Variants in NRG1 observed in about 807,000 individuals in gnomAD.
The protein encoded by NRG1 is pro-neuregulin-1, membrane-bound isoform.
In NRG1, 18 loss-of-function variants were observed where a neutral mutation model predicts 63.8. That is an observed-to-expected ratio of 0.28 (90% CI 0.19 to 0.42). The LOEUF (loss-of-function observed/expected upper bound fraction) is 0.42, where lower values mean the gene tolerates loss of function less well. Ranked by LOEUF, NRG1 falls within the 10% of genes least tolerant of loss-of-function variation. The pLI is 1.00. For synonymous variants in NRG1, 302 were observed against 301.3 expected (o/e 1.00, Z -0.02); for missense variants, 762 against 814.7 (o/e 0.94, Z 0.79).
At chr8:31,891,201 G>A (rs1831117723) in intron 1 of NRG1, among the ~76,000 whole-genome samples, 1 of 152,078 alleles carries the variant, frequency 6.6e-6, no homozygotes, top group South Asian at 2.1e-4. Flanking sequence ...CCCTTTAAAA[G>A]GATGGAAAGA....
At chr8:32,029,531 TGTTTGAACATG>T (rs2130441845) in intron 1 of NRG1, 1 of 152,352 alleles carries the variant, frequency 6.6e-6, no homozygotes, top group Admixed American at 6.5e-5. Context: ...GCCTTTGCCT[TGTTTGAACATG>T]GTTTGAACAG....
intron 7 of NRG1, chr8:32,749,746 A>G: frequency 1.4e-6 from 1 of 693,402 alleles, no homozygotes; most frequent in Middle Eastern, 2.5e-4. Context: ...TCAATCTATG[A>G]TTAGTTTACT....
chr8:31,745,391 G>A (rs537348273), intron 1 of NRG1, among the ~76,000 whole-genome samples: 9 of 152,022 alleles, frequency 5.9e-5, no homozygotes, highest in Non-Finnish European at 8.8e-5. Context: ...TGTAAAACTC[G>A]GTGGTTCAGA....
At chr8:31,871,312 A>T (rs1213397526) in intron 1 of NRG1, among the ~76,000 whole-genome samples, 1 of 152,114 alleles carries the variant, frequency 6.6e-6, no homozygotes, top group African/African-American at 2.4e-5. Context: ...ACATTCTGTG[A>T]CACGGTAAAT....
At chr8:31,907,988 A>G (rs921357409) in intron 1 of NRG1, among the ~76,000 whole-genome samples, 6 of 152,156 alleles carry the variant, frequency 3.9e-5, no homozygotes, top group African/African-American at 1.4e-4. Context: ...GGGAGTTACT[A>G]CAATTTAGGT....
chr8:31,806,814 C>G (rs374299524), intron 1 of NRG1, among the ~76,000 whole-genome samples: 1 of 152,078 alleles, frequency 6.6e-6, no homozygotes, highest in Non-Finnish European at 1.5e-5. Flanking sequence ...ATCTTGTTTT[C>G]TAATAAGACC....
chr8:32,466,366 G>C (rs1044542078), intron 1 of NRG1, among the ~76,000 whole-genome samples: 1 of 120,682 alleles, frequency 8.3e-6, no homozygotes, highest in African/African-American at 3.1e-5. Context: ...ATATTACCTT[G>C]ACATCAAAAA....
chr8:32,057,199 G>A lies in NRG1; in HGVS notation c.37+417768G>A, dbSNP rs763421380. ...TATGGCAAGCACTTCTAATTCGTGT[G>A]AATAGATCTCTTTATAGACATAGTG... On this transcript the variant is annotated intron_variant, in intron 1 of 10. Transcript: ENST00000519301. 3.9e-5 allele frequency among the ~76,000 whole-genome samples: 6 copies of A among 152,238 alleles called. No homozygotes were observed. The East Asian group carries it at 1.2e-3, about 29-fold the overall frequency.
At chr8:31,847,090 C>G (rs1826759847) in intron 1 of NRG1, among the ~76,000 whole-genome samples, 1 of 152,160 alleles carries the variant, frequency 6.6e-6, no homozygotes, top group Admixed American at 6.5e-5. Context: ...CTTGAAAGAT[C>G]ACATTAATAG....
intron 1 of NRG1, among the ~76,000 whole-genome samples, chr8:31,731,417 TAC>T (rs139927733): frequency 0.15 from 22,561 of 148,214 alleles, 1,772 homozygotes; most frequent in Admixed American, 0.21. Flanking sequence ...AATTATGTCA[TAC>T]ACACACACAC....
At chr8:32,178,645 A>G (rs748295797) in intron 1 of NRG1, among the ~76,000 whole-genome samples, 3 of 152,056 alleles carry the variant, frequency 2.0e-5, no homozygotes, top group Non-Finnish European at 4.4e-5. Context: ...TTTTGGGTGG[A>G]GAATAGACTG....
chr8:32,548,415 G>A, exon 1 of NRG1: 1 of 1,109,058 alleles, frequency 9.0e-7, no homozygotes, highest in Non-Finnish European at 1.1e-6. Context: ...TCCCCGATCG[G>A]GTTGCGAGGG....
intron 1 of NRG1, among the ~76,000 whole-genome samples, chr8:31,858,355 C>T (rs951038632): frequency 5.3e-5 from 8 of 151,036 alleles, no homozygotes; most frequent in African/African-American, 9.7e-5. Flanking sequence ...ATTCTATGAT[C>T]GTTCGACATT....
At chr8:31,678,077 C>A (rs865905378) in intron 1 of NRG1, among the ~76,000 whole-genome samples, 10 of 114,562 alleles carry the variant, frequency 8.7e-5, no homozygotes, top group African/African-American at 2.9e-4. Context: ...ACCAGAAAAC[C>A]CTTTTAACTT....
intron 1 of NRG1, among the ~76,000 whole-genome samples, chr8:31,762,210 A>G (rs1460415531): frequency 6.6e-6 from 1 of 152,126 alleles, no homozygotes; most frequent in Non-Finnish European, 1.5e-5. Flanking sequence ...CCCTTCCCTC[A>G]ACAGGCCCTG....
intron 1 of NRG1, among the ~76,000 whole-genome samples, chr8:32,134,193 T>A (rs1034764777): frequency 2.0e-5 from 3 of 152,244 alleles, no homozygotes; most frequent in East Asian, 1.9e-4. Context: ...AAATTTTTTT[T>A]AAATATATGA....
chr8:31,760,629 A>G (rs915087178), intron 1 of NRG1, among the ~76,000 whole-genome samples: 1 of 152,196 alleles, frequency 6.6e-6, no homozygotes, highest in Non-Finnish European at 1.5e-5. Flanking sequence ...ACCCCATCAA[A>G]AAGTGGGCAA....
At chr8:32,225,398 CAG>C (rs1270321716) in intron 1 of NRG1, among the ~76,000 whole-genome samples, 2 of 152,166 alleles carry the variant, frequency 1.3e-5, no homozygotes, top group African/African-American at 2.4e-5. Flanking sequence ...TCCCCACCAC[CAG>C]AGTTTCTTCT....
chr8:31,919,644 C>T (rs1194977737), intron 1 of NRG1, among the ~76,000 whole-genome samples: 1 of 151,968 alleles, frequency 6.6e-6, no homozygotes, highest in Non-Finnish European at 1.5e-5. Context: ...CTGAGCTAAC[C>T]TGATTCAACA....
Sources: gnomAD v4.1 joint callset for allele counts (sites outside exome capture counted in the v4.1 genomes callset) on GRCh38, gnomAD v4.1.1 for gene constraint, MANE v1.5 for transcripts, NCBI Gene and HGNC (gene_info 2026-07-23, HGNC 2026-07-21) for gene names.